ZNF519: variants seen among roughly 807,000 people sequenced by gnomAD.
ZNF519 encodes similar to Zinc finger protein 85 (Zinc finger protein HPF4) (HTF1).
In ZNF519, 7 loss-of-function variants were observed where a neutral mutation model predicts 7.4. The ratio of observed to expected loss-of-function variants is 0.94; its 90% CI spans 0.54 to 1.77. The LOEUF (loss-of-function observed/expected upper bound fraction) is 1.77, where lower values mean the gene tolerates loss of function less well. Among genes scored for constraint, ZNF519 ranks in the 40% most tolerant of loss-of-function variants. ZNF519 has a pLI of 0.00. For synonymous variants in ZNF519, 179 were observed against 203.3 expected, an observed-to-expected ratio of 0.88 and a Z score of 1.02; for missense variants, 586 against 623.1, an observed-to-expected ratio of 0.94 and a Z score of 0.63.
At chr18:14,108,351 GA>G (rs1343566693) in intron 2 of ZNF519, among the ~76,000 whole-genome samples, 2 of 152,082 alleles carry the variant, frequency 1.3e-5, no homozygotes, top group African/African-American at 4.8e-5. Context: ...AGTTCTTTGA[GA>G]ATGATTCCTT....
intron 2 of ZNF519, among the ~76,000 whole-genome samples, chr18:14,109,532 A>G (rs955161046): frequency 6.6e-6 from 1 of 152,200 alleles, no homozygotes; most frequent in Non-Finnish European, 1.5e-5. Flanking sequence ...ACTACAATGA[A>G]AAAACCTAGA....
chr18:14,119,785 A>G (rs927625264), intron 2 of ZNF519, among the ~76,000 whole-genome samples: 3 of 152,196 alleles, frequency 2.0e-5, no homozygotes, highest in African/African-American at 7.2e-5. Context: ...GCATTTCCAT[A>G]CAGTAACAAC....
At chr18:14,126,488 T>C (rs1179319179) in intron 1 of ZNF519, among the ~76,000 whole-genome samples, 1 of 152,224 alleles carries the variant, frequency 6.6e-6, no homozygotes, top group Non-Finnish European at 1.5e-5. Flanking sequence ...AAACAAGGGA[T>C]GTGACCCAAA....
chr18:14,104,949 G>C lies in ZNF519; in HGVS notation c.1591C>G (p.Leu531Val), dbSNP rs765117674. Residue 531 changes from leucine to valine, a missense_variant, in exon 3 of 3, where the codon CTT becomes GTT. Physicochemically the swap from Leu to Val is conservative, Grantham distance 32. Transcript: ENST00000590202. ...CGKAFNRRST[L>V]TQHQIIHTR ...GTATGAATTATTTGATGTTGAGTAA[G>C]GGTTGAGCGTCTGTTAAAAGCTTTG... 3 of 1,574,286 alleles carry C rather than the reference G, an allele frequency of 1.9e-6. No homozygotes were observed. The highest frequency in any genetic ancestry group is 2.4e-5 in the South Asian group (2 of 82,706).
In ZNF519 at chr18:14,121,381, T is replaced by C. The variant is rs539574662; in HGVS notation, c.130+2969A>G. On this transcript the variant is annotated intron_variant, in intron 2 of 2. Coordinates refer to ENST00000590202, the MANE Select transcript of ZNF519 (RefSeq NM_145287.4). ...AAAAAAGGTTATCCATGTAAGGTAA[T>C]AGATGTGTTCATCAACTTGACTATA... is the stretch of plus-strand genomic sequence containing the variant. 7.2e-5 allele frequency among the ~76,000 whole-genome samples: 11 copies of C among 152,208 alleles called. No homozygotes were observed. In the South Asian group the frequency reaches 1.0e-3, roughly 14 times the overall value.
intron 3 of ZNF519, chr18:14,084,373 T>A (rs1467292538): frequency 6.6e-6 from 1 of 152,160 alleles, no homozygotes. Flanking sequence ...ATTCAACATG[T>A]GGAAGAGGTG....
chr18:14,115,582 C>A (rs1419595571), intron 2 of ZNF519, among the ~76,000 whole-genome samples: 1 of 152,074 alleles, frequency 6.6e-6, no homozygotes, highest in Non-Finnish European at 1.5e-5. Context: ...CATCAATAAT[C>A]CCTTGCATAT....
downstream of ZNF519, among the ~76,000 whole-genome samples, chr18:14,096,298 A>T (rs993299578): frequency 3.3e-5 from 5 of 152,064 alleles, no homozygotes; most frequent in South Asian, 2.1e-4. Flanking sequence ...TGTCTCTATT[A>T]TTGTGTCAAA....
At chr18:14,113,512 T>G (rs2046231911) in intron 2 of ZNF519, among the ~76,000 whole-genome samples, 3 of 152,208 alleles carry the variant, frequency 2.0e-5, no homozygotes, top group African/African-American at 7.2e-5. Context: ...CTTGAGGCTG[T>G]GTCATAGGTG....
intron 2 of ZNF519, among the ~76,000 whole-genome samples, chr18:14,091,388 A>T (rs1175014245): frequency 2.6e-5 from 4 of 152,196 alleles, no homozygotes; most frequent in Non-Finnish European, 4.4e-5. Flanking sequence ...ATTTTCTCTC[A>T]CAAAATTAAG....
In ZNF519 at chr18:14,105,262, A is replaced by G. The variant is rs1319992449; in HGVS notation, c.1278T>C (p.His426=). Residue 426 remains histidine (H), a synonymous_variant, in exon 3 of 3, where the codon CAT becomes CAC. Coordinates refer to ENST00000590202, the MANE Select transcript of ZNF519 (RefSeq NM_145287.4). Reference sequence around the variant, plus strand: ...TACATTTGAAGTGTTTCTCTCCAGTATGGATTCTCTGATGTTGAGTAAGGT... The same window carrying G: ...TACATTTGAAGTGTTTCTCTCCAGTGTGGATTCTCTGATGTTGAGTAAGGT... ...ASHLTQHQRI[H]TGEKHFKCKE... is the part of the protein sequence containing the mutation. 3 of 1,613,436 alleles carry G rather than the reference A, an allele frequency of 1.9e-6. No homozygotes were observed. The highest frequency in any genetic ancestry group is 2.5e-6 in the Non-Finnish European group (3 of 1,179,544).
At chr18:14,085,791 C>T (rs2046088186) in intron 2 of ZNF519, among the ~76,000 whole-genome samples, 1 of 152,164 alleles carries the variant, frequency 6.6e-6, no homozygotes, top group Non-Finnish European at 1.5e-5. Flanking sequence ...CAGCCACTGA[C>T]CCCAGGCCAA....
chr18:14,083,986 A>G (rs1181004019), intron 3 of ZNF519, among the ~76,000 whole-genome samples: 2 of 152,168 alleles, frequency 1.3e-5, no homozygotes, highest in African/African-American at 2.4e-5. Flanking sequence ...TCTTGGGTAT[A>G]GTCCTGCCCA....
At chr18:14,098,914 G>A (rs1471305263), downstream of ZNF519, among the ~76,000 whole-genome samples, 2 of 152,172 alleles carry the variant, frequency 1.3e-5, no homozygotes, top group African/African-American at 4.8e-5. Context: ...AGTGAAATGT[G>A]CCTTCTGCCT....
chr18:14,075,064 T>G (rs1475648522), downstream of ZNF519: 1 of 152,062 alleles, frequency 6.6e-6, no homozygotes, highest in Non-Finnish European at 1.5e-5. Flanking sequence ...AGAGAGAGCT[T>G]GTACAGGGAA....
chr18:14,096,386 T>C (rs2046136883), downstream of ZNF519, among the ~76,000 whole-genome samples: 1 of 152,240 alleles, frequency 6.6e-6, no homozygotes, highest in South Asian at 2.1e-4. Flanking sequence ...AATTTGATGT[T>C]TCTGCAGGAA....
intron 2 of ZNF519, among the ~76,000 whole-genome samples, chr18:14,107,171 G>A (rs565552478): frequency 3.2e-4 from 48 of 152,172 alleles, no homozygotes; most frequent in Admixed American, 1.6e-3. Flanking sequence ...AAGGCTGCAC[G>A]GTTCACAGAT....
chr18:14,128,099 C>A (rs1467436939), intron 1 of ZNF519, among the ~76,000 whole-genome samples: 8 of 151,784 alleles, frequency 5.3e-5, no homozygotes, highest in Middle Eastern at 6.8e-3. Context: ...ACCATCCTGG[C>A]GAACACGGTG....
At chr18:14,126,067 A>C (rs1374998005) in intron 1 of ZNF519, among the ~76,000 whole-genome samples, 1 of 152,158 alleles carries the variant, frequency 6.6e-6, no homozygotes, top group African/African-American at 2.4e-5. Flanking sequence ...GGAAATTGTG[A>C]GCACCAGCTG....
Sources: allele counts gnomAD v4.1 joint callset (sites outside exome capture counted in the v4.1 genomes callset), GRCh38; gene constraint gnomAD v4.1.1; transcripts MANE v1.5; gene names NCBI Gene and HGNC (gene_info 2026-07-23, HGNC 2026-07-21).